TBC1D1: variants seen among roughly 807,000 people sequenced by gnomAD.
TBC1D1 encodes the protein TBC1 domain family member 1.
Under a neutral mutation model 125.6 loss-of-function variants are expected in TBC1D1, and 89 were observed. The ratio of observed to expected loss-of-function variants is 0.71; its 90% CI spans 0.60 to 0.85. TBC1D1 has a LOEUF of 0.85. TBC1D1 is among the 40% of genes least tolerant of loss of function. TBC1D1 has a pLI of 0.00. For synonymous variants in TBC1D1, 565 were observed against 564.1 expected (o/e 1.00, Z -0.02); for missense variants, 1,377 against 1,469.2 (o/e 0.94, Z 1.03).
intron 12 of TBC1D1, among the ~76,000 whole-genome samples, chr4:38,072,433 G>A (rs1754862945): frequency 6.6e-6 from 1 of 152,130 alleles, no homozygotes; most frequent in Non-Finnish European, 1.5e-5. Context: ...TTCTTGGTAT[G>A]TCATGAGGCA....
intron 2 of TBC1D1, among the ~76,000 whole-genome samples, chr4:37,933,068 A>C (rs901170221): frequency 6.6e-6 from 1 of 151,876 alleles, no homozygotes; most frequent in Non-Finnish European, 1.5e-5. Flanking sequence ...AAAAAACAAA[A>C]AAACAAAAAA....
chr4:38,077,068 C>T (rs945071396), intron 12 of TBC1D1, among the ~76,000 whole-genome samples: 1 of 152,266 alleles, frequency 6.6e-6, no homozygotes, highest in East Asian at 1.9e-4. Flanking sequence ...TAGGATGGTT[C>T]TTTCTGTAAT....
At chr4:38,033,676 C>T (rs1317146523) in intron 7 of TBC1D1, among the ~76,000 whole-genome samples, 3 of 152,106 alleles carry the variant, frequency 2.0e-5, no homozygotes, top group Non-Finnish European at 4.4e-5. Flanking sequence ...AGAATAGTTT[C>T]ACTGCCCTAA....
rs79640399 is a variant in TBC1D1 at position 38,092,828 on chromosome 4, G to A, written c.2236+2711G>A. On this transcript the variant is annotated intron_variant, in intron 13 of 19. Coordinates refer to ENST00000261439, the MANE Select transcript of TBC1D1 (RefSeq NM_015173.4). ...AGAACCTATCCCTACAGCTTGGGAT[G>A]CAAGGCAGGAACCAGCCCTGGACCG... Among the ~76,000 whole-genome samples, 1,329 of 152,086 alleles carry A rather than the reference G, an allele frequency of 8.7e-3. 22 individuals are homozygous for A. The highest frequency in any genetic ancestry group is 0.03 in the African/African-American group (1,262 of 41,462).
intron 15 of TBC1D1, among the ~76,000 whole-genome samples, chr4:38,107,598 T>TTTTTTTTTTTTTTTTTTTTA (rs1761551389): frequency 6.7e-6 from 1 of 148,504 alleles, no homozygotes; most frequent in Non-Finnish European, 1.5e-5. Context: ...TTTTTTTTTT[T>TTTTTTTTTTTTTTTTTTTTA]TTTGGCAATG....
At chr4:38,072,568 G>A (rs151148860) in intron 12 of TBC1D1, among the ~76,000 whole-genome samples, 51 of 152,334 alleles carry the variant, frequency 3.3e-4, no homozygotes, top group African/African-American at 1.2e-3. Flanking sequence ...ATTGGCTGGA[G>A]AGTCAGTGTA....
intron 2 of TBC1D1, among the ~76,000 whole-genome samples, chr4:37,927,559 A>C (rs1056208207): frequency 6.6e-6 from 1 of 152,210 alleles, no homozygotes; most frequent in Admixed American, 6.5e-5. Flanking sequence ...TGATGTTTTT[A>C]TAAAAGCCAA....
At chr4:38,110,798 T>C (rs973543512) in intron 15 of TBC1D1, 2 of 985,492 alleles carry the variant, frequency 2.0e-6, no homozygotes. Flanking sequence ...TAGGAAGGAT[T>C]GCACAGTTTT....
chr4:37,908,343 T>A (rs1285648363), intron 2 of TBC1D1, among the ~76,000 whole-genome samples: 1 of 152,124 alleles, frequency 6.6e-6, no homozygotes, highest in Non-Finnish European at 1.5e-5. Context: ...GTAGCTGGGA[T>A]TACAGGCGCC....
intron 2 of TBC1D1, among the ~76,000 whole-genome samples, chr4:37,954,708 G>A (rs1728557069): frequency 6.6e-6 from 1 of 151,994 alleles, no homozygotes; most frequent in Non-Finnish European, 1.5e-5. Context: ...TTTGAAGGTC[G>A]GCTCTGAGGC....
rs139404167 is a variant in TBC1D1, at chr4:38,014,896, A to G, written c.805A>G (p.Ile269Val). The G allele has an allele frequency of 1.1e-4, 173 of 1,603,146 alleles. 1 individual carries two copies. The African/African-American group carries it at 2.0e-3, about 19-fold the overall frequency. ...CTTCAGCTCCTTCGAGGAGAGCGAC[A>G]TTGAGAACCACCTCATTAGCGGACA... The change falls in exon 3 of 20, where the codon ATT becomes GTT. Residue 269 changes from isoleucine (I) to valine (V), a missense_variant. Physicochemically the swap from Ile to Val is conservative, Grantham distance 29. Transcript: ENST00000261439. This position sits in a 1 kb window ranked among gnomAD's most constrained non-coding sequence, Gnocchi z 5.1.
intron 12 of TBC1D1, among the ~76,000 whole-genome samples, chr4:38,070,236 GCTAA>G (rs1273250292): frequency 6.6e-6 from 1 of 152,246 alleles, no homozygotes; most frequent in African/African-American, 2.4e-5. Context: ...CAGATAGCTG[GCTAA>G]CTTTCTGTCA....
chr4:38,023,172 G>A (rs1014496225), intron 6 of TBC1D1, among the ~76,000 whole-genome samples: 2 of 151,560 alleles, frequency 1.3e-5, no homozygotes, highest in Non-Finnish European at 2.9e-5. Flanking sequence ...ATTTGAGCCC[G>A]GGAGATGGAG....
intron 1 of TBC1D1, among the ~76,000 whole-genome samples, chr4:37,900,844 G>A (rs1357661365): frequency 6.6e-6 from 1 of 152,132 alleles, no homozygotes; most frequent in Non-Finnish European, 1.5e-5. Context: ...GGCCAAGGTG[G>A]GCAGATCACT....
intron 15 of TBC1D1, among the ~76,000 whole-genome samples, chr4:38,104,159 CAAAAAA>C (rs71658758): frequency 0.039 from 3,299 of 83,938 alleles, 119 homozygotes; most frequent in African/African-American, 0.14. Flanking sequence ...GACTCTGTCT[CAAAAAA>C]AAAAAAAAAA....
chr4:37,984,440 A>G (rs1735009275), intron 2 of TBC1D1, among the ~76,000 whole-genome samples: 1 of 152,200 alleles, frequency 6.6e-6, no homozygotes, highest in Admixed American at 6.5e-5. Context: ...CTGGAATTTG[A>G]TTATTCTAAT....
chr4:37,960,873 A>G (rs1488623971), intron 2 of TBC1D1: 1 of 1,614,102 alleles, frequency 6.2e-7, no homozygotes, highest in South Asian at 1.1e-5. Flanking sequence ...AGTGCCTCTC[A>G]TGATCCTTGA....
chr4:37,961,581 C>A (rs1000331421), intron 2 of TBC1D1, among the ~76,000 whole-genome samples: 36 of 152,224 alleles, frequency 2.4e-4, no homozygotes, highest in African/African-American at 8.7e-4. Context: ...GATAGAGTCA[C>A]AGATGTCTGG....
intron 2 of TBC1D1, among the ~76,000 whole-genome samples, chr4:37,991,676 A>G (rs1386135545): frequency 6.6e-6 from 1 of 151,632 alleles, no homozygotes; most frequent in Admixed American, 6.6e-5. Flanking sequence ...TTTTAGCCTA[A>G]TAAGGAAATT....
Sources: gnomAD v4.1 joint callset for allele counts (sites outside exome capture counted in the v4.1 genomes callset) on GRCh38, gnomAD v4.1.1 for gene constraint, Gnocchi (gnomAD v3.1) non-coding constraint, MANE v1.5 for transcripts, NCBI Gene and HGNC (gene_info 2026-07-23, HGNC 2026-07-21) for gene names.